LRMDA: variants seen among roughly 807,000 people sequenced by gnomAD.
The protein encoded by LRMDA is leucine rich melanocyte differentiation associated.
A neutral mutation model predicts 29.8 loss-of-function variants in LRMDA; 18 were observed. That is an observed-to-expected ratio of 0.60 (90% CI 0.42 to 0.90). The LOEUF (loss-of-function observed/expected upper bound fraction) is 0.90, where lower values mean the gene tolerates loss of function less well. Among genes scored for constraint, LRMDA ranks in the 40% least tolerant of loss-of-function variants. The probability of loss-of-function intolerance (pLI) is 0.00; values close to 1 mark genes in which losing one functional copy is unlikely to be tolerated. For synonymous variants in LRMDA, 125 were observed against 109.4 expected, an observed-to-expected ratio of 1.14 and a Z score of -0.89; for missense variants, 273 against 273.9, an observed-to-expected ratio of 1.00 and a Z score of 0.02.
chr10:75,693,426 G>A (rs954363837), intron 2 of LRMDA, among the ~76,000 whole-genome samples: 10 of 152,102 alleles, frequency 6.6e-5, no homozygotes, highest in African/African-American at 1.9e-4. Flanking sequence ...TTAACCAATC[G>A]CTTTCTCCTC....
intron 2 of LRMDA, among the ~76,000 whole-genome samples, chr10:75,517,042 C>G (rs1339328150): frequency 6.6e-6 from 1 of 152,076 alleles, no homozygotes; most frequent in Non-Finnish European, 1.5e-5. Context: ...GGCCACTGTT[C>G]TGTTCCATTG....
At chr10:76,165,078 T>G (rs1405330450) in intron 5 of LRMDA, among the ~76,000 whole-genome samples, 1 of 152,244 alleles carries the variant, frequency 6.6e-6, no homozygotes, top group African/African-American at 2.4e-5. Context: ...GTTCAAGCAA[T>G]TCTCCTGCCT....
chr10:76,475,177 G>A (rs938465599), intron 6 of LRMDA, among the ~76,000 whole-genome samples: 1 of 151,718 alleles, frequency 6.6e-6, no homozygotes, highest in African/African-American at 2.4e-5. Context: ...GGGATGAGGA[G>A]GCTAGGGAAA....
At chr10:76,145,507 G>T (rs1029671986) in intron 5 of LRMDA, among the ~76,000 whole-genome samples, 1 of 152,118 alleles carries the variant, frequency 6.6e-6, no homozygotes, top group Admixed American at 6.6e-5. Flanking sequence ...TCTGATAGTA[G>T]TTTGTATTTC....
intron 2 of LRMDA, among the ~76,000 whole-genome samples, chr10:75,582,201 G>A (rs1840602875): frequency 1.3e-5 from 2 of 152,326 alleles, no homozygotes; most frequent in East Asian, 1.9e-4. Context: ...GCCCCACTGG[G>A]GACTCTGTGT....
intron 5 of LRMDA, among the ~76,000 whole-genome samples, chr10:76,197,874 C>T (rs888472119): frequency 7.3e-5 from 11 of 151,474 alleles, no homozygotes; most frequent in Non-Finnish European, 1.3e-4. Context: ...GAGTCGAGAT[C>T]GCGCCACCAC....
chr10:75,672,467 T>C (rs915744962), intron 2 of LRMDA, among the ~76,000 whole-genome samples: 3 of 147,866 alleles, frequency 2.0e-5, no homozygotes, highest in Non-Finnish European at 4.5e-5. Context: ...GCTCCTGATA[T>C]TGGGACCTCC....
Position 75,997,119 on chromosome 10 carries a change from G to T in LRMDA, c.132-38889G>T, listed in dbSNP as rs1847481423. Among the ~76,000 whole-genome samples the T allele has an allele frequency of 2.0e-5, 3 of 152,056 alleles. No individual in the cohort carries two copies. In the South Asian group the frequency reaches 6.2e-4, roughly 32 times the overall value. ...TTTGGAAAATACTGAGAATCATAAA[G>T]AAGGAAATTAAGGTTGCCTGTAATT... On this transcript the variant is annotated intron_variant, in intron 2 of 6. Coordinates refer to ENST00000611255, the MANE Select transcript of LRMDA (RefSeq NM_001305581.2).
chr10:75,814,871 T>C (rs1844031043), intron 2 of LRMDA, among the ~76,000 whole-genome samples: 1 of 152,226 alleles, frequency 6.6e-6, no homozygotes, highest in African/African-American at 2.4e-5. Flanking sequence ...GTTGATTTTT[T>C]TCTATTGCAG....
chr10:76,131,850 C>T (rs73285243), intron 5 of LRMDA, among the ~76,000 whole-genome samples: 2,677 of 152,204 alleles, frequency 0.018, 84 homozygotes, highest in African/African-American at 0.06. Context: ...AGGATCTATA[C>T]GACAAACAGC....
chr10:75,910,952 G>A (rs777749632), intron 2 of LRMDA, among the ~76,000 whole-genome samples: 20 of 152,106 alleles, frequency 1.3e-4, no homozygotes, highest in Non-Finnish European at 2.5e-4. Context: ...GATTGGTTGC[G>A]TCAATGGAGT....
At chr10:76,092,986 G>A (rs1267299697) in intron 5 of LRMDA, among the ~76,000 whole-genome samples, 1 of 152,130 alleles carries the variant, frequency 6.6e-6, no homozygotes, top group Admixed American at 6.5e-5. Context: ...GGCTCTCCCT[G>A]GAAAACATTA....
intron 2 of LRMDA, among the ~76,000 whole-genome samples, chr10:76,029,118 C>G (rs1035211620): frequency 6.6e-6 from 1 of 152,078 alleles, no homozygotes; most frequent in Non-Finnish European, 1.5e-5. Context: ...CCTGGCCAAC[C>G]ATTTTGAACT....
At chr10:75,721,602 T>C (rs1041214721) in intron 2 of LRMDA, among the ~76,000 whole-genome samples, 4 of 152,204 alleles carry the variant, frequency 2.6e-5, no homozygotes, top group African/African-American at 9.7e-5. Flanking sequence ...ATCTTTAGAA[T>C]GCAAGCAGCC....
chr10:76,456,909 A>G (rs767434474), intron 6 of LRMDA, among the ~76,000 whole-genome samples: 3 of 152,056 alleles, frequency 2.0e-5, no homozygotes, highest in Non-Finnish European at 4.4e-5. Flanking sequence ...TGGAATTCTG[A>G]CTGTTTTAAT....
chr10:76,501,891 A>G (rs1269905116), intron 6 of LRMDA, among the ~76,000 whole-genome samples: 1 of 151,592 alleles, frequency 6.6e-6, no homozygotes, highest in Non-Finnish European at 1.5e-5. Context: ...TTTTTGTTTT[A>G]GTTACAATTG....
At chr10:75,452,575 C>CTTTTTTTT (rs10636455) in intron 2 of LRMDA, among the ~76,000 whole-genome samples, 2 of 117,314 alleles carry the variant, frequency 1.7e-5, no homozygotes, top group African/African-American at 3.3e-5. Flanking sequence ...CAGGATATGA[C>CTTTTTTTT]TTTTTTTTTT....
intron 1 of LRMDA, among the ~76,000 whole-genome samples, chr10:75,436,749 A>G (rs1189346789): frequency 6.6e-6 from 1 of 152,162 alleles, no homozygotes; most frequent in Non-Finnish European, 1.5e-5. Flanking sequence ...GACTACAGGC[A>G]TGAGCCACCG....
intron 2 of LRMDA, among the ~76,000 whole-genome samples, chr10:75,445,862 C>A (rs1025058460): frequency 6.7e-4 from 102 of 152,220 alleles, no homozygotes; most frequent in African/African-American, 1.8e-3. Flanking sequence ...AAATTAAATT[C>A]TTTGCAGCTG....
Sources: gnomAD v4.1 joint callset for allele counts (sites outside exome capture counted in the v4.1 genomes callset) on GRCh38, gnomAD v4.1.1 for gene constraint, MANE v1.5 for transcripts, NCBI Gene and HGNC (gene_info 2026-07-23, HGNC 2026-07-21) for gene names.